CSNK1G3: variants seen among roughly 807,000 people sequenced by gnomAD.
CSNK1G3 encodes casein kinase I isoform gamma-3.
Under a neutral mutation model 64.3 loss-of-function variants are expected in CSNK1G3, and 23 were observed. The ratio of observed to expected loss-of-function variants is 0.36; its 90% CI spans 0.26 to 0.51. The LOEUF (loss-of-function observed/expected upper bound fraction) is 0.51. Among genes scored for constraint, CSNK1G3 ranks in the 20% least tolerant of loss-of-function variants. The pLI is 0.96. For missense variants in CSNK1G3, 357 were observed against 510.5 expected, an observed-to-expected ratio of 0.70 and a Z score of 2.90; for synonymous variants, 158 against 162.2, an observed-to-expected ratio of 0.97 and a Z score of 0.20.
chr5:123,603,427 A>G (rs186767806), intron 10 of CSNK1G3, among the ~76,000 whole-genome samples: 63 of 152,232 alleles, frequency 4.1e-4, no homozygotes, highest in African/African-American at 1.5e-3. Flanking sequence ...ATTTCAACGT[A>G]TATTTATTGA....
chr5:123,533,016 A>G (rs1017407104), intron 1 of CSNK1G3, among the ~76,000 whole-genome samples: 1 of 151,812 alleles, frequency 6.6e-6, no homozygotes. Context: ...TTAATTCTCC[A>G]CTAAGGATGA....
exon 10 of CSNK1G3, chr5:123,591,340 C>G: frequency 6.2e-7 from 1 of 1,608,864 alleles, no homozygotes; most frequent in Non-Finnish European, 8.5e-7. Context: ...GGGTGCAGTT[C>G]AGCAAGATCC....
intron 1 of CSNK1G3, among the ~76,000 whole-genome samples, chr5:123,516,520 A>G (rs945679376): frequency 6.6e-6 from 1 of 152,148 alleles, no homozygotes; most frequent in Non-Finnish European, 1.5e-5. Context: ...TAAGGAAAGT[A>G]TGTGTTTATT....
intron 1 of CSNK1G3, among the ~76,000 whole-genome samples, chr5:123,517,087 A>G (rs1307789193): frequency 6.6e-6 from 1 of 152,178 alleles, no homozygotes; most frequent in Non-Finnish European, 1.5e-5. Context: ...GAAGTTGCCG[A>G]TAAGAATTTT....
exon 13 of CSNK1G3, chr5:123,616,678 A>G (rs1249705184): frequency 6.6e-6 from 1 of 152,638 alleles, no homozygotes; most frequent in Non-Finnish European, 1.5e-5. Context: ...AATGAAGTCA[A>G]CATTGCCTGA....
intron 4 of CSNK1G3, among the ~76,000 whole-genome samples, chr5:123,567,628 A>G (rs1266686730): frequency 6.6e-6 from 1 of 152,198 alleles, no homozygotes; most frequent in Non-Finnish European, 1.5e-5. Context: ...TTTAAAAGTA[A>G]TACATGGTTT....
chr5:123,585,527 A>T (rs1235465658), intron 6 of CSNK1G3, among the ~76,000 whole-genome samples: 1 of 152,178 alleles, frequency 6.6e-6, no homozygotes, highest in Admixed American at 6.5e-5. Flanking sequence ...AAACAAAAAA[A>T]TAGCAAGCTG....
At position 123,590,572 on chromosome 5, in the gene CSNK1G3, A is replaced by G. The variant is rs760128872; in HGVS notation, c.990+14A>G. The G allele has an allele frequency of 1.7e-5, 23 of 1,393,464 alleles. No individual in the cohort carries two copies. The highest frequency in any genetic ancestry group is 2.2e-5 in the Non-Finnish European group (23 of 1,040,630). The allele number at this position is 1,393,464 out of a possible 1,614,324, so 86.3% of individuals were successfully genotyped here. A position where few individuals can be genotyped will look rare whatever the true frequency, so the allele number is the denominator to read the frequency against. The stretch of plus-strand genomic sequence containing the variant: ...GGTAAACAGTTGGTGAGTATTCTAT[A>G]TAATAATATATTACTTACAGTATCT... On this transcript the variant is annotated intron_variant, in intron 9 of 12. Coordinates refer to ENST00000345990, the Ensembl canonical transcript of CSNK1G3.
chr5:123,564,878 C>G (rs1204587001), intron 4 of CSNK1G3, among the ~76,000 whole-genome samples: 1 of 152,148 alleles, frequency 6.6e-6, no homozygotes, highest in Non-Finnish European at 1.5e-5. Flanking sequence ...GCAGCGCTTA[C>G]TATTCAGCTA....
intron 10 of CSNK1G3, among the ~76,000 whole-genome samples, chr5:123,596,612 A>T (rs905056066): frequency 4.6e-5 from 7 of 152,090 alleles, no homozygotes; most frequent in African/African-American, 1.7e-4. Context: ...TTATTCATTC[A>T]TTATTTCACT....
At chr5:123,516,049 A>G (rs1172377776) in intron 1 of CSNK1G3, among the ~76,000 whole-genome samples, 1 of 151,926 alleles carries the variant, frequency 6.6e-6, no homozygotes, top group East Asian at 1.9e-4. Flanking sequence ...GTTTTTTCTT[A>G]TCTTCCATCT....
intron 1 of CSNK1G3, among the ~76,000 whole-genome samples, chr5:123,527,845 C>G (rs1291333358): frequency 1.3e-5 from 2 of 151,976 alleles, no homozygotes; most frequent in African/African-American, 4.8e-5. Context: ...AGGTTTTTTT[C>G]TTTTAATGAC....
At chr5:123,545,381 T>C (rs1782359203) in intron 1 of CSNK1G3, 36 bp from the exon 2 acceptor site, 1 of 249,828 alleles carries the variant, frequency 4.0e-6, no homozygotes, top group Non-Finnish European at 7.7e-6. Context: ...ATTTTAAAAT[T>C]CTTAGTTGAC....
intron 1 of CSNK1G3, among the ~76,000 whole-genome samples, chr5:123,528,643 T>G (rs1489843989): frequency 6.6e-6 from 1 of 152,188 alleles, no homozygotes; most frequent in Non-Finnish European, 1.5e-5. Flanking sequence ...GTTGTCTTTC[T>G]TTTTGGAATG....
chr5:123,560,813 G>A (rs1785552847), intron 4 of CSNK1G3, among the ~76,000 whole-genome samples: 1 of 152,182 alleles, frequency 6.6e-6, no homozygotes. Flanking sequence ...GGCTTGGGGA[G>A]AGGGCAGAAA....
chr5:123,524,159 G>T (rs1208952568), intron 1 of CSNK1G3, among the ~76,000 whole-genome samples: 1 of 152,172 alleles, frequency 6.6e-6, no homozygotes, highest in Non-Finnish European at 1.5e-5. Context: ...TAAATGCAAA[G>T]TGGCATTTTA....
At chr5:123,569,295 G>T (rs1787603857) in intron 4 of CSNK1G3, among the ~76,000 whole-genome samples, 1 of 152,164 alleles carries the variant, frequency 6.6e-6, no homozygotes, top group South Asian at 2.1e-4. Flanking sequence ...CCACAACTTT[G>T]TCAGTCTTGA....
At chr5:123,577,804 A>G (rs1322951289) in intron 6 of CSNK1G3, among the ~76,000 whole-genome samples, 1 of 151,908 alleles carries the variant, frequency 6.6e-6, no homozygotes, top group African/African-American at 2.4e-5. Context: ...GAATGTGCAT[A>G]CTATGTAACC....
At chr5:123,568,288 C>T (rs1181816424) in intron 4 of CSNK1G3, among the ~76,000 whole-genome samples, 2 of 152,110 alleles carry the variant, frequency 1.3e-5, no homozygotes, top group Non-Finnish European at 2.9e-5. Flanking sequence ...GAACACCAGA[C>T]GTGACTATGA....
Sources: allele counts gnomAD v4.1 joint callset (sites outside exome capture counted in the v4.1 genomes callset), GRCh38; gene constraint gnomAD v4.1.1; transcripts MANE v1.5; gene names NCBI Gene and HGNC (gene_info 2026-07-23, HGNC 2026-07-21).